The following GREB1 variants were observed in gnomAD, a reference collection of about 807,000 sequenced individuals.
GREB1 encodes protein GREB1.
GREB1 carries 106 observed loss-of-function variants against 200.7 expected under a neutral mutation model. The ratio of observed to expected loss-of-function variants is 0.53; its 90% confidence interval spans 0.45 to 0.62. GREB1 has a LOEUF of 0.62. Ranked by LOEUF, GREB1 falls within the 20% of genes least tolerant of loss-of-function variation. The pLI is 0.00. For synonymous variants in GREB1, 1,132 were observed against 1,092.4 expected (o/e 1.04, Z -0.72); for missense variants, 2,243 against 2,556.8 (o/e 0.88, Z 2.65).
chr2:11,632,526 C>T (rs1479242831), intron 27 of GREB1, among the ~76,000 whole-genome samples: 8 of 152,038 alleles, frequency 5.3e-5, no homozygotes, highest in South Asian at 2.1e-4. Context: ...TTTGTAGAGA[C>T]GGGGTTTCAC....
At chr2:11,566,767 A>G (rs1572730156) in intron 4 of GREB1, 111 bp downstream of exon 4, 1 of 920,676 alleles carries the variant, frequency 1.1e-6, no homozygotes, top group East Asian at 2.5e-5. Flanking sequence ...TTGGGACCCC[A>G]GGCGCAGCAT....
chr2:11,626,589 A>T (rs1408027849), intron 24 of GREB1, among the ~76,000 whole-genome samples: 1 of 152,202 alleles, frequency 6.6e-6, no homozygotes, highest in Non-Finnish European at 1.5e-5. Context: ...CCTTGTCTCC[A>T]AAAAACAAAC....
At chr2:11,613,546 C>T (rs1683122381) in intron 19 of GREB1, among the ~76,000 whole-genome samples, 1 of 152,208 alleles carries the variant, frequency 6.6e-6, no homozygotes, top group African/African-American at 2.4e-5. Flanking sequence ...CTTCTTCCCC[C>T]AGGAGCACCC....
intron 11 of GREB1, 97 bp from the exon 12 acceptor site, chr2:11,595,154 A>G: frequency 1.8e-6 from 2 of 1,107,572 alleles, no homozygotes; most frequent in Non-Finnish European, 2.6e-6. Flanking sequence ...CAGATGGGAA[A>G]TGTCAAGTCT....
intron 23 of GREB1, among the ~76,000 whole-genome samples, chr2:11,624,796 A>G (rs570985578): frequency 8.0e-5 from 12 of 150,482 alleles, no homozygotes; most frequent in Non-Finnish European, 1.8e-4. Flanking sequence ...AACTTTCTGA[A>G]AACATTACGA....
At chr2:11,508,833 C>T (rs1030004900) in intron 1 of GREB1, among the ~76,000 whole-genome samples, 3 of 150,850 alleles carry the variant, frequency 2.0e-5, no homozygotes, top group Non-Finnish European at 4.4e-5. Context: ...AACATGAAGA[C>T]ATCTGAGGCC....
chr2:11,533,986 A>G (rs1484980857), upstream of GREB1: 1 of 152,246 alleles, frequency 6.6e-6, no homozygotes, highest in Non-Finnish European at 1.5e-5. Flanking sequence ...AACTTCATCA[A>G]TGACACATTT....
chr2:11,617,007 C>G (rs1027023532), intron 21 of GREB1, among the ~76,000 whole-genome samples: 2 of 152,182 alleles, frequency 1.3e-5, no homozygotes, highest in Non-Finnish European at 2.9e-5. Flanking sequence ...CAGGCTGAGT[C>G]CTGGCCGTGT....
chr2:11,598,341 G>A (rs574534947), intron 14 of GREB1, among the ~76,000 whole-genome samples: 96 of 152,318 alleles, frequency 6.3e-4, no homozygotes, highest in South Asian at 1.4e-3. Flanking sequence ...GTCATGTATC[G>A]CCCTGTGGCA....
At chr2:11,576,252 A>G in intron 4 of GREB1, 101 bp from the exon 5 acceptor site, 3 of 910,902 alleles carry the variant, frequency 3.3e-6, no homozygotes, top group Admixed American at 4.6e-5. Context: ...GGTTGCAGCG[A>G]GCCGAGATCG....
chr2:11,640,445 A>G lies in GREB1; in HGVS notation c.5841A>G (p.Arg1947=), dbSNP rs1377140921. The G allele has an allele frequency of 6.2e-7, 1 of 1,613,282 alleles. No individual in the cohort carries two copies. Among genetic ancestry groups the G allele is most frequent in the African/African-American group, 1.3e-5 (1 of 74,902 alleles). ...GGCCGCTCTTTTTTCTGACGGGACG[A>G]CACATCTGAGGAAGACAGCGGCGAG... ...EDRPLFFLTG[R]HI The change falls in exon 33 of 33, where the codon CGA becomes CGG. Residue 1947 remains arginine, a synonymous_variant. Coordinates refer to ENST00000381486, the MANE Select transcript of GREB1 (RefSeq NM_014668.4). This position sits in a 1 kb window ranked among gnomAD's most constrained non-coding sequence, Gnocchi z 4.6.
intron 2 of GREB1, among the ~76,000 whole-genome samples, chr2:11,560,467 G>A (rs1444484894): frequency 1.3e-5 from 2 of 152,150 alleles, no homozygotes; most frequent in South Asian, 2.1e-4. Flanking sequence ...TTGGGAGGCC[G>A]AGGCGGGTGG....
Position 11,635,412 on chromosome 2 carries a change from T to A in GREB1, c.5346+7T>A, listed in dbSNP as rs774035210. 6.2e-7 allele frequency: 1 copy of A among 1,600,406 alleles called. No individual in the cohort carries two copies. The highest frequency in any genetic ancestry group is 1.3e-5 in the African/African-American group (1 of 74,928). On this transcript the variant is annotated splice_region_variant and intron_variant, in intron 30 of 32. Coordinates refer to ENST00000381486, the MANE Select transcript of GREB1 (RefSeq NM_014668.4). ...CTTCCACATCACATCCAAGGTGAGC[T>A]CCTCGCTGCTGGGCAGGCCTCTATG...
chr2:11,550,776 T>A (rs1675738988), intron 1 of GREB1, among the ~76,000 whole-genome samples: 1 of 152,242 alleles, frequency 6.6e-6, no homozygotes, highest in South Asian at 2.1e-4. Context: ...TTTTCTCTCC[T>A]GTCTCTTTGT....
intron 23 of GREB1, among the ~76,000 whole-genome samples, chr2:11,624,820 ATT>A (rs35822565): frequency 7.3e-5 from 11 of 151,022 alleles, no homozygotes; most frequent in African/African-American, 2.7e-4. Flanking sequence ...TATTTTTGCA[ATT>A]TTTTTTTTAA....
intron 1 of GREB1, among the ~76,000 whole-genome samples, chr2:11,488,028 G>A (rs1332606063): frequency 6.6e-6 from 1 of 152,178 alleles, no homozygotes; most frequent in African/African-American, 2.4e-5. Context: ...TCCTTGAGGA[G>A]GTTGGCTTGG....
intron 17 of GREB1, among the ~76,000 whole-genome samples, chr2:11,608,065 T>G (rs1222155843): frequency 6.6e-6 from 1 of 152,168 alleles, no homozygotes; most frequent in African/African-American, 2.4e-5. Flanking sequence ...TTCTTTCTTA[T>G]TGTTTGAAAA....
At chr2:11,606,645 T>C (rs1682318487) in intron 17 of GREB1, among the ~76,000 whole-genome samples, 1 of 151,974 alleles carries the variant, frequency 6.6e-6, no homozygotes. Context: ...TGAGCATGTT[T>C]CTCTTTTTGT....
In GREB1 at chr2:11,618,612, A is replaced by G. The variant is rs1231104520; in HGVS notation, c.3737A>G (p.Gln1246Arg). 5 of 1,613,064 alleles carry G rather than the reference A, an allele frequency of 3.1e-6. No homozygotes were observed. In the East Asian group the frequency reaches 8.9e-5, roughly 29 times the overall value. Residue 1246 changes from glutamine (Q) to arginine (R), a missense_variant, in exon 22 of 33, where the codon CAG becomes CGG. Transcript: ENST00000381486. Reference sequence around the variant, plus strand: ...GGCACGTGGGTCCTGCAGGCCTCCCAGTGCTCCTTGACCAAGGCCTGCCGC... The same window carrying G: ...GGCACGTGGGTCCTGCAGGCCTCCCGGTGCTCCTTGACCAAGGCCTGCCGC... ...AAGTWVLQAS[Q>R]CSLTKACRQP...
Sources: allele counts gnomAD v4.1 joint callset (sites outside exome capture counted in the v4.1 genomes callset), GRCh38; gene constraint gnomAD v4.1.1; non-coding constraint Gnocchi (gnomAD v3.1); transcripts MANE v1.5; gene names NCBI Gene and HGNC (gene_info 2026-07-23, HGNC 2026-07-21).